The following PGGHG variants were observed in gnomAD, a reference collection of about 807,000 sequenced individuals.
PGGHG encodes the protein ATH1, acid trehalase-like 1.
Under a neutral mutation model 74.5 loss-of-function variants are expected in PGGHG, and 67 were observed. The ratio of observed to expected loss-of-function variants is 0.90; its 90% confidence interval spans 0.74 to 1.10. The LOEUF (loss-of-function observed/expected upper bound fraction) is 1.10, where lower values mean the gene tolerates loss of function less well. PGGHG is among the 50% of genes least tolerant of loss of function. PGGHG has a pLI of 0.00. For synonymous variants in PGGHG, 496 were observed against 419.9 expected, an observed-to-expected ratio of 1.18 and a Z score of -2.21; for missense variants, 1,034 against 981.5, an observed-to-expected ratio of 1.05 and a Z score of -0.72.
intron 2 of PGGHG, 33 bp downstream of exon 2, chr11:290,108 C>T (rs1299459569): frequency 2.0e-6 from 3 of 1,497,432 alleles, no homozygotes; most frequent in East Asian, 4.9e-5. Context: ...ACCCCTGCCC[C>T]AGGCATTGTT....
chr11:289,560 G>A lies in PGGHG; in HGVS notation c.-13-244G>A, dbSNP rs185822785. On this transcript the variant is annotated intron_variant, in intron 1 of 13. Transcript: ENST00000409548. The surrounding 1 kb of genome is among the most constrained non-coding windows in gnomAD (Gnocchi z 5.6). ...GACTGGAATTCTAAGGTAGCAGGAG[G>A]GAGAGACACACTCAGGGGCTCAGCT... 8 of 553,806 alleles carry A rather than the reference G, an allele frequency of 1.4e-5. No homozygotes were observed. Among genetic ancestry groups the A allele is most frequent in the African/African-American group, 3.8e-5 (2 of 52,850 alleles). The allele number at this position is 553,806 out of a possible 1,614,324, so 34.3% of individuals were successfully genotyped here. A position where few individuals can be genotyped will look rare whatever the true frequency, so the allele number is the denominator to read the frequency against.
Position 291,956 on chromosome 11 carries a change from A to T in PGGHG, c.907-20A>T. The T allele has an allele frequency of 6.3e-7, 1 of 1,595,720 alleles. No homozygotes were observed. The highest frequency in any genetic ancestry group is 1.1e-5 in the South Asian group (1 of 88,360). On this transcript the variant is annotated intron_variant, in intron 4 of 13. Transcript: ENST00000409548. Reference sequence around the variant, plus strand: ...CAGTGACGGCCTGTCCGGCGCTAGAACGAGGGACCGTGCTCTCAGGACCTC... The same window carrying T: ...CAGTGACGGCCTGTCCGGCGCTAGATCGAGGGACCGTGCTCTCAGGACCTC...
rs1318117863 is a variant in PGGHG at position 293,868 on chromosome 11, A to C, written c.1653A>C (p.Ala551=). The change falls in exon 11 of 14, where the codon GCA becomes GCC. Residue 551 remains alanine, a synonymous_variant. Transcript: ENST00000409548. ...TGGGCTGGATGGAGCTGAAGGACGC[A>C]GTGCGGGCCCGGGGCCTCCTGGACA... ...FAVGWMELKD[A]VRARGLLDRS... The C allele has an allele frequency of 6.2e-7, 1 of 1,613,682 alleles. No individual in the cohort carries two copies. Among genetic ancestry groups the C allele is most frequent in the Non-Finnish European group, 8.5e-7 (1 of 1,179,998 alleles).
intron 2 of PGGHG, 62 bp downstream of exon 2, chr11:290,137 CA>C: frequency 6.8e-7 from 1 of 1,473,296 alleles, no homozygotes; most frequent in Non-Finnish European, 9.0e-7. Context: ...GTGGGGCAAC[CA>C]CAGCATCGAA....
chr11:290,101 C>T (rs1845672079), intron 2 of PGGHG, 26 bp downstream of exon 2: 1 of 1,503,036 alleles, frequency 6.7e-7, no homozygotes, highest in Non-Finnish European at 8.9e-7. Context: ...CTGCCTCACC[C>T]CTGCCCCAGG....
Position 289,966 on chromosome 11 carries a change from C to A in PGGHG, c.150C>A (p.Gly50=). 1.9e-6 allele frequency: 3 copies of A among 1,550,110 alleles called. No individual in the cohort carries two copies. The highest frequency in any genetic ancestry group is 2.6e-6 in the Non-Finnish European group (3 of 1,146,880). The change falls in exon 2 of 14, where the codon GGC becomes GGA. Residue 50 remains glycine (G), a synonymous_variant. Coordinates refer to ENST00000409548, the MANE Select transcript of PGGHG (RefSeq NM_025092.5). The surrounding 1 kb of genome is among the most constrained non-coding windows in gnomAD (Gnocchi z 5.6). ...TGAGCGGCGTGTACAATGGGGCTGGCGGGGACACGCACCGGGCCATGCTGC... is the reference window on the plus strand; with the variant it reads ...TGAGCGGCGTGTACAATGGGGCTGGAGGGGACACGCACCGGGCCATGCTGC... The part of the protein sequence containing the change: ...LHVSGVYNGA[G]GDTHRAMLPS...
chr11:289,659 A>T lies in PGGHG; in HGVS notation c.-13-145A>T. 1.9e-6 allele frequency: 2 copies of T among 1,047,924 alleles called. No homozygotes were observed. The highest frequency in any genetic ancestry group is 1.7e-5 in the South Asian group (1 of 59,062). The allele number at this position is 1,047,924 out of a possible 1,614,324, so 64.9% of individuals were successfully genotyped here. A position where few individuals can be genotyped will look rare whatever the true frequency, so the allele number is the denominator to read the frequency against. ...GCTCCTTTCCTGCGAGGCCCCGTCT[A>T]GGAGGGGCCTCAGGAAAATCGGGGC... On this transcript the variant is annotated intron_variant, in intron 1 of 13. Coordinates refer to ENST00000409548, the MANE Select transcript of PGGHG (RefSeq NM_025092.5). This position sits in a 1 kb window ranked among gnomAD's most constrained non-coding sequence, Gnocchi z 5.6.
rs760785361 is a variant in PGGHG at position 293,225 on chromosome 11, G to A, written c.1333G>A (p.Val445Ile). 2 of 1,613,378 alleles carry A rather than the reference G, an allele frequency of 1.2e-6. No homozygotes were observed. Among genetic ancestry groups the A allele is most frequent in the African/African-American group, 2.7e-5 (2 of 74,906 alleles). ...CAACTCTGTGTACACCAACGTCCTG[G>A]TCCAGAACAGGTCAGACACAAGATC... is the stretch of plus-strand genomic sequence containing the variant. ...VNNSVYTNVL[V>I]QNSLRFAAAL... The change falls in exon 8 of 14, where the codon GTC (valine) becomes ATC (isoleucine). Residue 445 changes from valine to isoleucine, a missense_variant. Coordinates refer to ENST00000409548, the MANE Select transcript of PGGHG (RefSeq NM_025092.5).
Position 289,751 on chromosome 11 carries a change from A to C in PGGHG, c.-13-53A>C, listed in dbSNP as rs1845658777. 1 of 1,500,796 alleles carries C rather than the reference A, an allele frequency of 6.7e-7. No homozygotes were observed. Among genetic ancestry groups the C allele is most frequent in the Admixed American group, 2.1e-5 (1 of 47,264 alleles). The allele number at this position is 1,500,796 out of a possible 1,614,324, so 93.0% of individuals were successfully genotyped here. On this transcript the variant is annotated intron_variant, in intron 1 of 13. Coordinates refer to ENST00000409548, the MANE Select transcript of PGGHG (RefSeq NM_025092.5). This position sits in a 1 kb window ranked among gnomAD's most constrained non-coding sequence, Gnocchi z 5.6. ...CTTCAGGGGATTACAGACGGTCTCAAGAGGGAGGCCCAGCCAGTCCCGCGG... is the reference window on the plus strand; with the variant it reads ...CTTCAGGGGATTACAGACGGTCTCACGAGGGAGGCCCAGCCAGTCCCGCGG...
In PGGHG at chr11:295,009, C is replaced by A. The variant is rs1845835397; in HGVS notation, c.*260C>A. ...GTGGACTGATGCTATCGCGCACCGT[C>A]CCACGACCCCACCCCGAGCTCCTGA... On this transcript the variant is annotated 3_prime_UTR_variant, in exon 14 of 14. Transcript: ENST00000409548. 1 of 369,466 alleles carries A rather than the reference C, an allele frequency of 2.7e-6. No individual in the cohort carries two copies. The highest frequency in any genetic ancestry group is 4.9e-6 in the Non-Finnish European group (1 of 205,990). 22.9% of individuals were successfully genotyped at this position (369,466 alleles called of 1,614,324 possible).
intron 2 of PGGHG, 81 bp from the exon 3 acceptor site, chr11:290,309 A>G: frequency 7.0e-7 from 1 of 1,428,564 alleles, no homozygotes; most frequent in South Asian, 1.3e-5. Flanking sequence ...TTGTGGGGAG[A>G]GGCAGCGGTC....
intron 5 of PGGHG, 55 bp downstream of exon 5, chr11:292,150 C>T: frequency 4.0e-6 from 6 of 1,485,640 alleles, no homozygotes; most frequent in South Asian, 4.0e-5. Context: ...GCAGCCCCCA[C>T]ACCCCTCCCA....
At chr11:292,515 A>G in intron 5 of PGGHG, 31 bp from the exon 6 acceptor site, 2 of 1,604,956 alleles carry the variant, frequency 1.2e-6, no homozygotes, top group Non-Finnish European at 1.7e-6. Context: ...CCCTCCAACA[A>G]GGTCAAGTCT....
In PGGHG at chr11:292,991, C is replaced by G. The variant is rs559995922; in HGVS notation, c.1264C>G (p.Leu422Val). 3 of 1,595,332 alleles carry G rather than the reference C, an allele frequency of 1.9e-6. No homozygotes were observed. The highest frequency in any genetic ancestry group is 2.8e-5 in the African/African-American group (2 of 71,150). ...EWSPREEKYHLRGVMSPDEYH... is the reference protein window; with the variant it reads ...EWSPREEKYHVRGVMSPDEYH... The stretch of plus-strand genomic sequence containing the variant: ...GAGCCCCAGGGAGGAAAAGTACCAC[C>G]TGAGGGGTGAGGCCATGGTGGGGAG... The change falls in exon 7 of 14, where the codon CTG becomes GTG. Residue 422 changes from leucine (L) to valine (V), a missense_variant. Physicochemically the swap from Leu to Val is conservative, Grantham distance 32. Transcript: ENST00000409548.
chr11:289,838 C>G lies in PGGHG; in HGVS notation c.22C>G (p.Pro8Ala). 1 of 1,550,810 alleles carries G rather than the reference C, an allele frequency of 6.4e-7. No homozygotes were observed. Among genetic ancestry groups the G allele is most frequent in the Non-Finnish European group, 8.7e-7 (1 of 1,146,834 alleles). MEDAGED[P>A]TTFAAHSLPS... is the part of the protein sequence containing the mutation. ...CTCCATGGAGGACGCCGGCGAGGACCCCACCACGTTTGCTGCCCACTCTCT... is the reference window on the plus strand; with the variant it reads ...CTCCATGGAGGACGCCGGCGAGGACGCCACCACGTTTGCTGCCCACTCTCT... Residue 8 changes from proline (P) to alanine (A), a missense_variant, in exon 2 of 14, where the codon CCC becomes GCC. Coordinates refer to ENST00000409548, the MANE Select transcript of PGGHG (RefSeq NM_025092.5). The surrounding 1 kb of genome is among the most constrained non-coding windows in gnomAD (Gnocchi z 5.6).
chr11:294,190 G>A lies in PGGHG; in HGVS notation c.1802G>A (p.Gly601Glu), dbSNP rs773515772. 17 of 1,609,932 alleles carry A rather than the reference G, an allele frequency of 1.1e-5. No individual in the cohort carries two copies. Among genetic ancestry groups the A allele is most frequent in the Admixed American group, 1.7e-5 (1 of 59,650 alleles). The part of the protein sequence containing the change: ...FLQAVVFGCT[G>E]FRVTRAGVTF... The stretch of plus-strand genomic sequence containing the variant: ...CAGGCGGTGGTCTTCGGGTGCACGG[G>A]GTTCAGGTAAGTGCAGAGGCTGGCA... Residue 601 changes from glycine (G) to glutamate (E), a missense_variant, in exon 12 of 14, where the codon GGG becomes GAG. Transcript: ENST00000409548.
chr11:292,565 A>G lies in PGGHG; in HGVS notation c.1046A>G (p.Glu349Gly). The G allele has an allele frequency of 1.2e-6, 2 of 1,613,388 alleles. No individual in the cohort carries two copies. Among genetic ancestry groups the G allele is most frequent in the Non-Finnish European group, 8.5e-7 (1 of 1,179,922 alleles). The change falls in exon 6 of 14, where the codon GAG (glutamate) becomes GGG (glycine). Residue 349 changes from glutamate to glycine, a missense_variant. Transcript: ENST00000409548. ...CCTCAGGGAGCCAAGTTTGCCTGGG[A>G]GAGTGCAGACTCCGGCCTAGAGGTT... ...LGYQGAKFAWESADSGLEVCP... is the reference protein window; with the variant it reads ...LGYQGAKFAWGSADSGLEVCP...
intron 8 of PGGHG, 50 bp from the exon 9 acceptor site, chr11:293,316 C>T: frequency 6.2e-7 from 1 of 1,602,318 alleles, no homozygotes; most frequent in Non-Finnish European, 8.5e-7. Context: ...AGGCAGGCAG[C>T]AGCTGGAAGT....
At position 291,991 on chromosome 11, in the gene PGGHG, C is replaced by T. The variant is rs766610969; in HGVS notation, c.922C>T (p.Pro308Ser). The change falls in exon 5 of 14, where the codon CCG becomes TCG. Residue 308 changes from proline to serine, a missense_variant. Physicochemically the swap from Pro to Ser is moderately conservative, Grantham distance 74. Coordinates refer to ENST00000409548, the MANE Select transcript of PGGHG (RefSeq NM_025092.5). ...GTGCTCTCAGGACCTCTGGATGTTC[C>T]CGAGTATCCTGATGTTCCACCCAGA... ...VFWDQDLWMF[P>S]SILMFHPEAA... The T allele has an allele frequency of 4.3e-6, 7 of 1,610,398 alleles. No individual in the cohort carries two copies. The highest frequency in any genetic ancestry group is 1.1e-5 in the South Asian group (1 of 90,404).
Sources: gnomAD v4.1 joint callset for allele counts on GRCh38, gnomAD v4.1.1 for gene constraint, Gnocchi (gnomAD v3.1) non-coding constraint, MANE v1.5 for transcripts, NCBI Gene and HGNC (gene_info 2026-07-23, HGNC 2026-07-21) for gene names.